Variants in RAP1GAP2 observed in about 807,000 individuals in gnomAD.
The protein encoded by RAP1GAP2 is rap1 GTPase-activating protein 2.
Under a neutral mutation model 95.0 loss-of-function variants are expected in RAP1GAP2, and 27 were observed. That is an observed-to-expected ratio of 0.28 (90% CI 0.21 to 0.39). The LOEUF (loss-of-function observed/expected upper bound fraction) is 0.39. Among genes scored for constraint, RAP1GAP2 ranks in the 10% least tolerant of loss-of-function variants. The pLI, the probability that RAP1GAP2 is intolerant of heterozygous loss-of-function variation, is 1.00. For missense variants in RAP1GAP2, 771 were observed against 970.0 expected, an observed-to-expected ratio of 0.79 and a Z score of 2.72; for synonymous variants, 373 against 380.9, an observed-to-expected ratio of 0.98 and a Z score of 0.24.
chr17:2,993,671 T>C (rs549387126), intron 12 of RAP1GAP2, among the ~76,000 whole-genome samples: 13 of 152,290 alleles, frequency 8.5e-5, no homozygotes, highest in Non-Finnish European at 1.3e-4. Context: ...CGATTGTTAT[T>C]GTTCTTATAT....
intron 2 of RAP1GAP2, among the ~76,000 whole-genome samples, chr17:2,889,889 A>ATATATATTT (rs1408426152): frequency 0.05 from 2,849 of 56,522 alleles, 135 homozygotes; most frequent in Non-Finnish European, 0.074. Context: ...ATATATATAT[A>ATATATATTT]TTTTTTTTTT....
chr17:3,000,087 G>C (rs1488091862), intron 14 of RAP1GAP2, among the ~76,000 whole-genome samples: 3 of 152,104 alleles, frequency 2.0e-5, no homozygotes, highest in Admixed American at 2.0e-4. Flanking sequence ...AGCTGGGATT[G>C]CAGGCTCCTG....
At chr17:2,881,636 G>A (rs1380002382) in intron 2 of RAP1GAP2, among the ~76,000 whole-genome samples, 1 of 152,176 alleles carries the variant, frequency 6.6e-6, no homozygotes, top group Non-Finnish European at 1.5e-5. Context: ...GTTTGGAAAT[G>A]TTTTCTGGAG....
chr17:2,926,724 G>A (rs184355887), intron 3 of RAP1GAP2, among the ~76,000 whole-genome samples: 12 of 152,098 alleles, frequency 7.9e-5, no homozygotes, highest in Non-Finnish European at 1.8e-4. Context: ...ATTGCCAGGG[G>A]CTGGGCGCGA....
At chr17:2,997,343 T>A (rs1319047886) in intron 13 of RAP1GAP2, among the ~76,000 whole-genome samples, 1 of 152,188 alleles carries the variant, frequency 6.6e-6, no homozygotes, top group Non-Finnish European at 1.5e-5. Context: ...AGCCCTGTAA[T>A]TTTGCCCTTG....
intron 2 of RAP1GAP2, among the ~76,000 whole-genome samples, chr17:2,822,673 T>A (rs1043336474): frequency 1.3e-5 from 2 of 149,520 alleles, no homozygotes; most frequent in Non-Finnish European, 3.0e-5. Context: ...CTCACGCCTA[T>A]AATCCCAGCA....
intron 1 of RAP1GAP2, among the ~76,000 whole-genome samples, chr17:2,799,538 C>T (rs530413685): frequency 8.5e-5 from 13 of 152,190 alleles, no homozygotes; most frequent in South Asian, 2.1e-4. Context: ...AGAAGGGTGC[C>T]GGAAAGAGCC....
chr17:2,937,099 G>A (rs1017502983), intron 3 of RAP1GAP2, among the ~76,000 whole-genome samples: 1 of 152,170 alleles, frequency 6.6e-6, no homozygotes, highest in African/African-American at 2.4e-5. Context: ...GGACAGGGAG[G>A]AGGGTGCAGA....
chr17:2,900,812 C>T (rs771974554), intron 2 of RAP1GAP2, among the ~76,000 whole-genome samples: 9 of 152,204 alleles, frequency 5.9e-5, no homozygotes, highest in South Asian at 2.1e-4. Flanking sequence ...CAAGACACAA[C>T]GAGGTAACTT....
At chr17:2,898,245 G>C (rs1342510630) in intron 2 of RAP1GAP2, among the ~76,000 whole-genome samples, 1 of 152,170 alleles carries the variant, frequency 6.6e-6, no homozygotes, top group Non-Finnish European at 1.5e-5. Context: ...AAGGTCTAGA[G>C]TTGGTGCCCC....
intron 3 of RAP1GAP2, among the ~76,000 whole-genome samples, chr17:2,951,563 A>T (rs2043924865): frequency 6.6e-6 from 1 of 151,588 alleles, no homozygotes; most frequent in African/African-American, 2.4e-5. Flanking sequence ...TACTAAAAAT[A>T]CAAAAATTGG....
intron 2 of RAP1GAP2, among the ~76,000 whole-genome samples, chr17:2,804,980 G>A (rs899439192): frequency 2.2e-4 from 33 of 152,278 alleles, no homozygotes; most frequent in Admixed American, 1.9e-3. Context: ...CAGGACCTTG[G>A]TGATGGTAGG....
intron 17 of RAP1GAP2, among the ~76,000 whole-genome samples, chr17:3,013,411 C>T (rs906035856): frequency 1.3e-5 from 2 of 152,114 alleles, no homozygotes; most frequent in African/African-American, 2.4e-5. Context: ...TGGCCCTGCT[C>T]CACTCCTGGG....
rs139989823 is a variant in RAP1GAP2 at position 2,921,932 on chromosome 17, T to A, written c.165+16564T>A. Among the ~76,000 whole-genome samples the A allele has an allele frequency of 4.3e-3, 661 of 152,344 alleles. 5 individuals are homozygous for A. The highest frequency in any genetic ancestry group is 0.015 in the African/African-American group (620 of 41,580). On this transcript the variant is annotated intron_variant, in intron 3 of 24. Coordinates refer to ENST00000254695, the MANE Select transcript of RAP1GAP2 (RefSeq NM_015085.5). ...GGGTCTCTCCTCTGTGTGTCTCTTTTAAGGACACTTGTCATTGGATTTAGA... is the reference window on the plus strand; with the variant it reads ...GGGTCTCTCCTCTGTGTGTCTCTTTAAAGGACACTTGTCATTGGATTTAGA...
upstream of RAP1GAP2, among the ~76,000 whole-genome samples, chr17:2,776,271 C>T (rs549785698): frequency 2.6e-5 from 4 of 152,358 alleles, no homozygotes; most frequent in South Asian, 6.2e-4. Context: ...GTACCCCGTC[C>T]CGGGTCCCGC....
rs1264058531 is a variant in RAP1GAP2 at position 2,867,665 on chromosome 17, G to A, written c.81-37619G>A. Among the ~76,000 whole-genome samples the A allele has an allele frequency of 1.3e-5, 2 of 152,186 alleles. No individual in the cohort carries two copies. The highest frequency in any genetic ancestry group is 2.9e-5 in the Non-Finnish European group (2 of 68,030). The stretch of plus-strand genomic sequence containing the variant: ...GCCCACCGCTGGTTCCCGGGATGCA[G>A]GGACTTGGCTGGGAGTATAGGAGGG... On this transcript the variant is annotated intron_variant, in intron 2 of 24. Transcript: ENST00000254695. This position sits in a 1 kb window ranked among gnomAD's most constrained non-coding sequence, Gnocchi z 4.5.
chr17:2,887,338 A>G (rs1199642078), intron 2 of RAP1GAP2, among the ~76,000 whole-genome samples: 3 of 151,258 alleles, frequency 2.0e-5, no homozygotes, highest in Admixed American at 6.6e-5. Flanking sequence ...TATTACAGGC[A>G]TGAGCCACCG....
At chr17:3,012,624 A>C (rs1280370590) in intron 17 of RAP1GAP2, among the ~76,000 whole-genome samples, 40 of 151,660 alleles carry the variant, frequency 2.6e-4, no homozygotes, top group African/African-American at 4.6e-4. Flanking sequence ...AAAAAAAAAA[A>C]AAAAAAACAA....
Position 2,984,157 on chromosome 17 carries a change from T to A in RAP1GAP2, c.730-826T>A, listed in dbSNP as rs536800902. On this transcript the variant is annotated intron_variant, in intron 10 of 24. Coordinates refer to ENST00000254695, the MANE Select transcript of RAP1GAP2 (RefSeq NM_015085.5). The stretch of plus-strand genomic sequence containing the variant: ...CAAGGTCAGGAGTTCGAGACCAGCC[T>A]GGCCAACATGGTGAAACCCCGTCTC... Among the ~76,000 whole-genome samples the A allele has an allele frequency of 7.0e-4, 106 of 152,220 alleles. No homozygotes were observed. In the Middle Eastern group the frequency reaches 0.014, roughly 20 times the overall value.
Sources: gnomAD v4.1 joint callset for allele counts (sites outside exome capture counted in the v4.1 genomes callset) on GRCh38, gnomAD v4.1.1 for gene constraint, Gnocchi (gnomAD v3.1) non-coding constraint, MANE v1.5 for transcripts, NCBI Gene and HGNC (gene_info 2026-07-23, HGNC 2026-07-21) for gene names.